PAK5: variants seen among roughly 807,000 people sequenced by gnomAD.
The protein encoded by PAK5 is p21 (RAC1) activated kinase 5.
Under a neutral mutation model 65.9 loss-of-function variants are expected in PAK5, and 16 were observed. The observed-to-expected ratio is 0.24, with a 90% CI of 0.16 to 0.37. PAK5 has a LOEUF of 0.37. Ranked by LOEUF, PAK5 falls within the 10% of genes least tolerant of loss-of-function variation. The pLI, the probability that PAK5 is intolerant of heterozygous loss-of-function variation, is 1.00. For synonymous variants in PAK5, 371 were observed against 354.9 expected (o/e 1.05, Z -0.51); for missense variants, 785 against 903.9 (o/e 0.87, Z 1.69).
At chr20:9,735,708 A>G (rs939777075) in intron 1 of PAK5, among the ~76,000 whole-genome samples, 3 of 151,948 alleles carry the variant, frequency 2.0e-5, no homozygotes, top group Non-Finnish European at 2.9e-5. Context: ...AAAGCTCAAG[A>G]ATATTGATAG....
intron 4 of PAK5, 33 bp downstream of exon 4, chr20:9,580,112 C>A: frequency 6.4e-7 from 1 of 1,557,166 alleles, no homozygotes; most frequent in African/African-American, 1.4e-5. Context: ...GAGGTTTTTG[C>A]ACACGTGAGG....
intron 3 of PAK5, among the ~76,000 whole-genome samples, chr20:9,617,894 C>T (rs550364543): frequency 1.4e-4 from 22 of 151,940 alleles, no homozygotes; most frequent in Non-Finnish European, 2.9e-4. Context: ...TCTACCAAAG[C>T]ACGAAAAATA....
intron 1 of PAK5, among the ~76,000 whole-genome samples, chr20:9,832,979 T>C (rs557855942): frequency 1.3e-5 from 2 of 152,260 alleles, no homozygotes; most frequent in Non-Finnish European, 1.5e-5. Flanking sequence ...CATTGCTGCA[T>C]ATGAGAGTTT....
At chr20:9,800,938 T>G (rs1277959865) in intron 1 of PAK5, among the ~76,000 whole-genome samples, 1 of 151,194 alleles carries the variant, frequency 6.6e-6, no homozygotes, top group Non-Finnish European at 1.5e-5. Context: ...GTGAAAGAAA[T>G]AAATATAAAG....
chr20:9,762,790 G>C (rs6118721), intron 1 of PAK5, among the ~76,000 whole-genome samples: 6,192 of 152,124 alleles, frequency 0.041, 417 homozygotes, highest in African/African-American at 0.14. Flanking sequence ...ATTCAAATCA[G>C]GATGTTGAAG....
intron 1 of PAK5, among the ~76,000 whole-genome samples, chr20:9,793,299 C>A (rs1490453888): frequency 6.6e-6 from 1 of 152,032 alleles, no homozygotes; most frequent in African/African-American, 2.4e-5. Flanking sequence ...AATTGGTAAA[C>A]ACATACATGT....
intron 1 of PAK5, among the ~76,000 whole-genome samples, chr20:9,799,939 C>CAAAAAAAAA (rs71331383): frequency 1.4e-4 from 6 of 43,656 alleles, no homozygotes; most frequent in Admixed American, 4.0e-4. Flanking sequence ...ACTCTGTCTC[C>CAAAAAAAAA]AAAAAAAAAA....
chr20:9,689,043 C>T (rs920630971), intron 2 of PAK5, among the ~76,000 whole-genome samples: 5 of 152,126 alleles, frequency 3.3e-5, no homozygotes, highest in African/African-American at 1.2e-4. Flanking sequence ...ATAACAACTT[C>T]GTTTATATAA....
In PAK5 at chr20:9,542,714, T is replaced by G. The variant is rs149977525; in HGVS notation, c.1876A>C (p.Ile626Leu). Residue 626 changes from isoleucine to leucine, a missense_variant, in exon 9 of 10, where the codon ATC (isoleucine) becomes CTC (leucine). Coordinates refer to ENST00000353224, the MANE Select transcript of PAK5 (RefSeq NM_177990.4). Reference sequence around the variant, plus strand: ...ATCACCATGATCCCGAGGGACCAGATGTCCACCTGTTAGGCACACCCTACT... The same window carrying G: ...ATCACCATGATCCCGAGGGACCAGAGGTCCACCTGTTAGGCACACCCTACT... ...SRLPYGTEVD[I>L]WSLGIMVIEM... is the part of the protein sequence containing the mutation. 1 of 1,614,064 alleles carries G rather than the reference T, an allele frequency of 6.2e-7. No individual in the cohort carries two copies. The highest frequency in any genetic ancestry group is 8.5e-7 in the Non-Finnish European group (1 of 1,179,948).
intron 1 of PAK5, among the ~76,000 whole-genome samples, chr20:9,819,574 T>C (rs1430643982): frequency 6.6e-6 from 1 of 152,184 alleles, no homozygotes; most frequent in Admixed American, 6.5e-5. Flanking sequence ...AAACATTTTT[T>C]TTTTTGCCTG....
chr20:9,754,598 T>C (rs962479835), intron 1 of PAK5, among the ~76,000 whole-genome samples: 1 of 152,202 alleles, frequency 6.6e-6, no homozygotes, highest in Admixed American at 6.5e-5. Context: ...TTGTGGTCTC[T>C]AGCTGCATGA....
At chr20:9,658,488 T>A (rs2047299942) in intron 2 of PAK5, among the ~76,000 whole-genome samples, 1 of 152,210 alleles carries the variant, frequency 6.6e-6, no homozygotes, top group Non-Finnish European at 1.5e-5. Context: ...TTGGTTCCAC[T>A]AGCTTCTATA....
At chr20:9,731,937 T>C (rs1390829989) in intron 1 of PAK5, among the ~76,000 whole-genome samples, 1 of 152,196 alleles carries the variant, frequency 6.6e-6, no homozygotes, top group Non-Finnish European at 1.5e-5. Flanking sequence ...GAATATAAAA[T>C]GTCAAAATTA....
rs752610680 is a variant in PAK5 at position 9,566,043 on chromosome 20, G to T, written c.1332C>A (p.Asp444Glu). The T allele has an allele frequency of 6.2e-7, 1 of 1,613,854 alleles. No homozygotes were observed. Among genetic ancestry groups the T allele is most frequent in the Non-Finnish European group, 8.5e-7 (1 of 1,179,970 alleles). Residue 444 changes from aspartate (D) to glutamate (E), a missense_variant, in exon 5 of 10, where the codon GAC becomes GAA. This residue lies in a region of PAK5 where 182 missense variants were observed against 273.0 expected (regional missense o/e 0.67). Transcript: ENST00000353224. ...AALQLVVSPG[D>E]PREYLANFIK... ...TAAAGTTGGCCAAGTATTCCCTGGG[G>T]TCTCCTGGGCTGACCACCAGCTGCA...
intron 3 of PAK5, among the ~76,000 whole-genome samples, chr20:9,624,884 G>A (rs139749719): frequency 1.1e-3 from 162 of 152,248 alleles, no homozygotes; most frequent in African/African-American, 3.7e-3. Context: ...AAGTGAGTTC[G>A]CATCTCACAG....
intron 1 of PAK5, among the ~76,000 whole-genome samples, chr20:9,830,280 C>A (rs953741169): frequency 1.2e-4 from 18 of 152,312 alleles, no homozygotes; most frequent in African/African-American, 4.1e-4. Flanking sequence ...AGTCATCTTT[C>A]TTCACAGAAA....
At chr20:9,813,697 T>G (rs191295830) in intron 1 of PAK5, among the ~76,000 whole-genome samples, 31 of 152,196 alleles carry the variant, frequency 2.0e-4, no homozygotes, top group African/African-American at 7.5e-4. Flanking sequence ...CACGGATGAA[T>G]CTTACTAATA....
intron 1 of PAK5, among the ~76,000 whole-genome samples, chr20:9,742,594 A>C (rs932589069): frequency 1.3e-5 from 2 of 152,190 alleles, no homozygotes; most frequent in African/African-American, 4.8e-5. Context: ...TTGCTGTTAC[A>C]TAGTCCTCTT....
chr20:9,637,876 T>C (rs142573136), intron 3 of PAK5, among the ~76,000 whole-genome samples: 208 of 152,340 alleles, frequency 1.4e-3, no homozygotes, highest in African/African-American at 4.9e-3. Flanking sequence ...CTTTTAAATA[T>C]TATCCTCTGT....
Sources: gnomAD v4.1 joint callset for allele counts (sites outside exome capture counted in the v4.1 genomes callset) on GRCh38, gnomAD v4.1.1 for gene constraint, gnomAD v4.1.1 regional missense constraint, MANE v1.5 for transcripts, NCBI Gene and HGNC (gene_info 2026-07-23, HGNC 2026-07-21) for gene names.